The following PDCD1LG2 variants were observed in gnomAD, a reference collection of about 807,000 sequenced individuals.
PDCD1LG2 encodes B7 dendritic cell molecule.
A neutral mutation model predicts 28.2 loss-of-function variants in PDCD1LG2; 32 were observed. The observed-to-expected ratio is 1.13, with a 90% confidence interval of 0.86 to 1.52. The LOEUF is 1.52. Among genes scored for constraint, PDCD1LG2 ranks in the 40% most tolerant of loss-of-function variants. PDCD1LG2 has a pLI of 0.00. For synonymous variants in PDCD1LG2, 116 were observed against 120.2 expected, an observed-to-expected ratio of 0.97 and a Z score of 0.23; for missense variants, 385 against 323.8, an observed-to-expected ratio of 1.19 and a Z score of -1.45.
intron 3 of PDCD1LG2, among the ~76,000 whole-genome samples, chr9:5,544,837 T>C (rs1369325084): frequency 1.3e-5 from 2 of 152,206 alleles, no homozygotes; most frequent in Non-Finnish European, 2.9e-5. Flanking sequence ...ATCATATATT[T>C]AGCAAAACTG....
chr9:5,522,454 C>A, intron 1 of PDCD1LG2, 79 bp from the exon 2 acceptor site: 1 of 1,077,442 alleles, frequency 9.3e-7, no homozygotes, highest in Non-Finnish European at 1.4e-6. Context: ...TGTTATTCCC[C>A]TGTTTTCAAA....
chr9:5,554,160 T>C (rs1586816224), intron 4 of PDCD1LG2, among the ~76,000 whole-genome samples: 1 of 152,214 alleles, frequency 6.6e-6, no homozygotes, highest in East Asian at 1.9e-4. Context: ...TGTATTTTCA[T>C]TGTTCACACA....
intron 3 of PDCD1LG2, among the ~76,000 whole-genome samples, chr9:5,537,547 C>A (rs1820604353): frequency 6.6e-6 from 1 of 152,092 alleles, no homozygotes; most frequent in Admixed American, 6.6e-5. Context: ...TACTATGCAG[C>A]CATAAAAAAT....
chr9:5,511,939 T>G (rs930411029), intron 1 of PDCD1LG2, among the ~76,000 whole-genome samples: 1 of 152,160 alleles, frequency 6.6e-6, no homozygotes, highest in African/African-American at 2.4e-5. Context: ...TACACATAGG[T>G]GCTTAGTGGG....
intron 5 of PDCD1LG2, among the ~76,000 whole-genome samples, chr9:5,558,360 C>G (rs1022357356): frequency 7.2e-5 from 11 of 152,318 alleles, no homozygotes; most frequent in African/African-American, 2.6e-4. Context: ...CCAGCTGGGA[C>G]AGAGCATGCT....
chr9:5,537,037 T>C (rs182142351), intron 3 of PDCD1LG2, among the ~76,000 whole-genome samples: 1 of 152,358 alleles, frequency 6.6e-6, no homozygotes, highest in East Asian at 1.9e-4. Flanking sequence ...GGAACTGTTA[T>C]GACTAAAAAC....
rs2129975524 is a variant in PDCD1LG2, at chr9:5,569,957, T to C, written c.820T>C (p.Ter274ArgextTer12). 1 of 1,614,078 alleles carries C rather than the reference T, an allele frequency of 6.2e-7. No individual in the cohort carries two copies. Among genetic ancestry groups the C allele is most frequent in the Non-Finnish European group, 8.5e-7 (1 of 1,179,904 alleles). ...TTKREVNSAI[*>R] ...ATTTGTGGGCTTTTCTCCCCAGATC[T>C]GAACCTGTGGTCTTGGGAGCCAGGG... The change falls in exon 7 of 7, where the codon TGA becomes CGA. Residue 274 changes from the stop codon to arginine, a stop_lost. Transcript: ENST00000397747. The surrounding 1 kb of genome is among the most constrained non-coding windows in gnomAD (Gnocchi z 4.1).
intron 6 of PDCD1LG2, among the ~76,000 whole-genome samples, chr9:5,565,791 A>G (rs1240635831): frequency 6.6e-6 from 1 of 152,172 alleles, no homozygotes; most frequent in East Asian, 1.9e-4. Flanking sequence ...TTGACTAAAT[A>G]CTAAAAAACA....
At chr9:5,560,142 C>A (rs554124836) in intron 5 of PDCD1LG2, among the ~76,000 whole-genome samples, 28 of 152,328 alleles carry the variant, frequency 1.8e-4, no homozygotes, top group African/African-American at 6.7e-4. Context: ...ACTCAGCACA[C>A]AATCACATGT....
intron 2 of PDCD1LG2, among the ~76,000 whole-genome samples, chr9:5,534,161 T>C (rs1331937636): frequency 6.6e-6 from 1 of 152,100 alleles, no homozygotes; most frequent in Non-Finnish European, 1.5e-5. Context: ...AGTGAGACGA[T>C]GTGTTAGCAG....
intron 2 of PDCD1LG2, among the ~76,000 whole-genome samples, chr9:5,528,624 C>G (rs1010152737): frequency 2.6e-5 from 4 of 151,892 alleles, no homozygotes; most frequent in Non-Finnish European, 5.9e-5. Context: ...TTTTTATGTA[C>G]TTATTGTATA....
At chr9:5,544,744 C>G (rs56236818) in intron 3 of PDCD1LG2, among the ~76,000 whole-genome samples, 3 of 151,686 alleles carry the variant, frequency 2.0e-5, no homozygotes, top group Admixed American at 6.6e-5. Context: ...CTGATGGCCT[C>G]AGTCAACTTG....
chr9:5,567,276 T>C (rs917885987), intron 6 of PDCD1LG2, among the ~76,000 whole-genome samples: 1 of 152,192 alleles, frequency 6.6e-6, no homozygotes, highest in Non-Finnish European at 1.5e-5. Context: ...GCTCTAAGGA[T>C]ATAAGAGCTG....
At chr9:5,524,317 G>A (rs1432403352) in intron 2 of PDCD1LG2, among the ~76,000 whole-genome samples, 1 of 152,116 alleles carries the variant, frequency 6.6e-6, no homozygotes, top group Non-Finnish European at 1.5e-5. Flanking sequence ...TTCCAACTTT[G>A]GAATAGGTTT....
At chr9:5,512,448 A>AT (rs1447001877) in intron 1 of PDCD1LG2, among the ~76,000 whole-genome samples, 1 of 151,860 alleles carries the variant, frequency 6.6e-6, no homozygotes, top group Non-Finnish European at 1.5e-5. Flanking sequence ...GCTTTGAGGG[A>AT]TTTTCCTCCA....
intron 1 of PDCD1LG2, among the ~76,000 whole-genome samples, chr9:5,511,062 G>A (rs950284644): frequency 3.3e-5 from 5 of 152,200 alleles, no homozygotes; most frequent in Non-Finnish European, 5.9e-5. Context: ...TATGTGCACT[G>A]TAAAATAATA....
chr9:5,546,712 T>C (rs1456994366), intron 3 of PDCD1LG2, among the ~76,000 whole-genome samples: 3 of 152,240 alleles, frequency 2.0e-5, no homozygotes, highest in Non-Finnish European at 2.9e-5. Flanking sequence ...CAATTAAGAA[T>C]GCATTACAAA....
Position 5,557,678 on chromosome 9 carries a change from T to A in PDCD1LG2, c.692T>A (p.Ile231Asn), listed in dbSNP as rs2129921764. 1 of 1,613,634 alleles carries A rather than the reference T, an allele frequency of 6.2e-7. No homozygotes were observed. Among genetic ancestry groups the A allele is most frequent in the Non-Finnish European group, 8.5e-7 (1 of 1,179,570 alleles). Residue 231 changes from isoleucine (I) to asparagine (N), a missense_variant, in exon 5 of 7, where the codon ATC (isoleucine) becomes AAC (asparagine). Transcript: ENST00000397747. ...CTTCACATTTTCATCCCCTTCTGCA[T>A]CATTGCTTTCATTTTCATAGCCACA... The part of the protein sequence containing the change: ...WLLHIFIPFC[I>N]IAFIFIATVI...
intron 4 of PDCD1LG2, among the ~76,000 whole-genome samples, chr9:5,554,430 A>G (rs577479319): frequency 2.2e-4 from 33 of 152,310 alleles, no homozygotes; most frequent in African/African-American, 7.5e-4. Flanking sequence ...GGCATTTTTA[A>G]GTTGTCTTAT....
Sources: gnomAD v4.1 joint callset for allele counts (sites outside exome capture counted in the v4.1 genomes callset) on GRCh38, gnomAD v4.1.1 for gene constraint, Gnocchi (gnomAD v3.1) non-coding constraint, MANE v1.5 for transcripts, NCBI Gene and HGNC (gene_info 2026-07-23, HGNC 2026-07-21) for gene names.